PLCG2: variants seen among roughly 807,000 people sequenced by gnomAD.
PLCG2 encodes the protein phospholipase C gamma 2.
In PLCG2, 69 loss-of-function variants were observed where a neutral mutation model predicts 175.6. That is an observed-to-expected ratio of 0.39 (90% CI 0.32 to 0.48). The LOEUF (loss-of-function observed/expected upper bound fraction) is 0.48. PLCG2 is among the 20% of genes least tolerant of loss of function. PLCG2 has a pLI of 0.91. For synonymous variants in PLCG2, 827 were observed against 624.0 expected, an observed-to-expected ratio of 1.33 and a Z score of -4.85; for missense variants, 1,798 against 1,650.9, an observed-to-expected ratio of 1.09 and a Z score of -1.54.
chr16:81,940,461 G>A (rs975401178), intron 30 of PLCG2, among the ~76,000 whole-genome samples: 1 of 152,086 alleles, frequency 6.6e-6, no homozygotes, highest in Non-Finnish European at 1.5e-5. Flanking sequence ...GCATCTTGGG[G>A]GGGGAGTAAC....
chr16:81,752,904 C>T (rs540844032), intron 1 of PLCG2, among the ~76,000 whole-genome samples: 6 of 152,356 alleles, frequency 3.9e-5, no homozygotes, highest in African/African-American at 1.2e-4. Context: ...CCTGTCAACT[C>T]GGGGCTTTGG....
chr16:81,741,224 C>A (rs1165068479), intron 1 of PLCG2, among the ~76,000 whole-genome samples: 1 of 152,048 alleles, frequency 6.6e-6, no homozygotes, highest in Non-Finnish European at 1.5e-5. Context: ...GTATTAAATA[C>A]CTGCTGTGTG....
chr16:81,933,490 C>G (rs1055273388), intron 25 of PLCG2, among the ~76,000 whole-genome samples: 1 of 152,120 alleles, frequency 6.6e-6, no homozygotes, highest in Non-Finnish European at 1.5e-5. Context: ...TCCAGAGCCT[C>G]ACCAACTGTA....
At chr16:81,839,027 C>T (rs1236284351) in intron 2 of PLCG2, among the ~76,000 whole-genome samples, 4 of 152,012 alleles carry the variant, frequency 2.6e-5, no homozygotes, top group Admixed American at 6.6e-5. Context: ...AGAACCAAGC[C>T]GAGGGTTTTG....
At chr16:81,947,225 G>C (rs1386983679) in intron 31 of PLCG2, among the ~76,000 whole-genome samples, 2 of 152,200 alleles carry the variant, frequency 1.3e-5, no homozygotes, top group African/African-American at 4.8e-5. Flanking sequence ...TGACTTCCTT[G>C]ATGAGGGAAG....
Position 81,958,348 on chromosome 16 carries a change from G to A in PLCG2, c.*350G>A. 2 of 270,112 alleles carry A rather than the reference G, an allele frequency of 7.4e-6. No homozygotes were observed. Among genetic ancestry groups the A allele is most frequent in the East Asian group, 1.1e-4 (2 of 18,256 alleles). 16.7% of individuals were successfully genotyped at this position (270,112 alleles called of 1,614,324 possible). ...TGCAGTGAACAGGATTTCTTTTCTG[G>A]CCAAGAAGATTCTACCTCTAATGAT... On this transcript the variant is annotated 3_prime_UTR_variant, in exon 33 of 33. Coordinates refer to ENST00000564138, the MANE Select transcript of PLCG2 (RefSeq NM_002661.5).
chr16:81,896,103 C>A (rs1220435939), intron 13 of PLCG2, among the ~76,000 whole-genome samples, 176 bp downstream of exon 13: 1 of 152,124 alleles, frequency 6.6e-6, no homozygotes, highest in Non-Finnish European at 1.5e-5. Context: ...GTTGGCACCC[C>A]CTGCAGGCCG....
At chr16:81,859,236 G>T (rs919575310) in intron 5 of PLCG2, 73 bp downstream of exon 5, 2 of 991,052 alleles carry the variant, frequency 2.0e-6, no homozygotes, top group Admixed American at 1.7e-5. Context: ...CTTCCAAGGG[G>T]GTGGGAGCAT....
chr16:81,930,527 C>T (rs923350038), intron 24 of PLCG2, among the ~76,000 whole-genome samples: 6 of 152,090 alleles, frequency 3.9e-5, no homozygotes, highest in Admixed American at 2.0e-4. Flanking sequence ...GTGAGTGGAT[C>T]GCTTGAGCTC....
chr16:81,768,461 G>A (rs1159740000), intron 2 of PLCG2, among the ~76,000 whole-genome samples: 1 of 150,776 alleles, frequency 6.6e-6, no homozygotes, highest in African/African-American at 2.4e-5. Flanking sequence ...ACTTTTTAAA[G>A]AAACTGCCCA....
At chr16:81,938,975 G>A (rs1247339914) in intron 29 of PLCG2, 60 bp downstream of exon 29, 14 of 955,102 alleles carry the variant, frequency 1.5e-5, no homozygotes, top group Non-Finnish European at 2.2e-5. Flanking sequence ...TCCTTTGTGG[G>A]AGTGCTCTTC....
chr16:81,926,382 G>A lies in PLCG2; in HGVS notation c.2418-700G>A, dbSNP rs372056935. Among the ~76,000 whole-genome samples the A allele has an allele frequency of 1.1e-4, 17 of 152,324 alleles. No homozygotes were observed. The East Asian group carries it at 2.7e-3, about 24-fold the overall frequency. On this transcript the variant is annotated intron_variant, in intron 22 of 32. Transcript: ENST00000564138. ...ATGGGCAGGTTGAAGGAGGGCGTTT[G>A]CATGTCTGGGCACGGCCTTGCCGGG...
chr16:81,744,690 G>T (rs1210295140), intron 1 of PLCG2, among the ~76,000 whole-genome samples: 5 of 152,054 alleles, frequency 3.3e-5, no homozygotes, highest in Admixed American at 2.0e-4. Flanking sequence ...TCCTACCTCA[G>T]CCTCTTGAGT....
At chr16:81,770,836 A>T (rs943881088) in intron 2 of PLCG2, among the ~76,000 whole-genome samples, 6 of 152,100 alleles carry the variant, frequency 3.9e-5, no homozygotes, top group African/African-American at 1.4e-4. Context: ...AGGCGGGCGG[A>T]TCGTGAGGTC....
In PLCG2 at chr16:81,880,968, G is replaced by C. The variant is rs1222586724; in HGVS notation, c.692+15G>C. The C allele has an allele frequency of 6.2e-7, 1 of 1,613,992 alleles. No homozygotes were observed. Among genetic ancestry groups the C allele is most frequent in the Non-Finnish European group, 8.5e-7 (1 of 1,179,820 alleles). On this transcript the variant is annotated intron_variant, in intron 8 of 32. Transcript: ENST00000564138. ...TTCATCCTGGGGTGAGGCAGCTCTT[G>C]TGTGTCGTTCGGGGCGGCTGTGCCG...
At chr16:81,893,554 T>C (rs1908738474) in intron 11 of PLCG2, among the ~76,000 whole-genome samples, 155 bp from the exon 12 acceptor site, 1 of 152,222 alleles carries the variant, frequency 6.6e-6, no homozygotes, top group African/African-American at 2.4e-5. Flanking sequence ...TGTATTTCTG[T>C]CCTAGGCCTT....
At chr16:81,760,905 T>TTTTG (rs1027218497) in intron 2 of PLCG2, among the ~76,000 whole-genome samples, 5 of 151,690 alleles carry the variant, frequency 3.3e-5, no homozygotes, top group African/African-American at 7.3e-5. Flanking sequence ...GGCTTAAAAT[T>TTTTG]TTTGTTTGTT....
intron 31 of PLCG2, among the ~76,000 whole-genome samples, chr16:81,948,208 A>ATTAGCAATGGAATAATAAATC (rs1555523838): frequency 1.3e-5 from 2 of 152,246 alleles, no homozygotes; most frequent in Non-Finnish European, 2.9e-5. Flanking sequence ...CTGCATGTCA[A>ATTAGCAATGGAATAATAAATC]ATTGTTCTCT....
intron 28 of PLCG2, among the ~76,000 whole-genome samples, chr16:81,938,193 C>T (rs529196987): frequency 3.3e-5 from 5 of 152,176 alleles, no homozygotes; most frequent in African/African-American, 1.2e-4. Flanking sequence ...CAGCCTCTGG[C>T]CGGAAAGAGA....
Sources: gnomAD v4.1 joint callset for allele counts (sites outside exome capture counted in the v4.1 genomes callset) on GRCh38, gnomAD v4.1.1 for gene constraint, MANE v1.5 for transcripts, NCBI Gene and HGNC (gene_info 2026-07-23, HGNC 2026-07-21) for gene names.